Variants in FBH1 observed in about 807,000 individuals in gnomAD.
FBH1 encodes F-box DNA helicase 1.
In FBH1, 43 loss-of-function variants were observed where a neutral mutation model predicts 115.5. The ratio of observed to expected loss-of-function variants is 0.37; its 90% CI spans 0.29 to 0.48. The LOEUF (loss-of-function observed/expected upper bound fraction) is 0.48. FBH1 is among the 20% of genes least tolerant of loss of function. The pLI is 0.99. For missense variants in FBH1, 1,001 were observed against 1,337.3 expected (o/e 0.75, Z 3.92); for synonymous variants, 524 against 507.8 (o/e 1.03, Z -0.43).
rs1842958358 is a variant in FBH1 at position 5,895,571 on chromosome 10, C to G, written c.1+5225C>G. Among the ~76,000 whole-genome samples, 1 of 152,138 alleles carries G rather than the reference C, an allele frequency of 6.6e-6. No homozygotes were observed. Among genetic ancestry groups the G allele is most frequent in the Non-Finnish European group, 1.5e-5 (1 of 68,034 alleles). ...TGCTGCAGTGACAAATAGATCCAGA[C>G]ATGTAATGGCCTCACAATAGACGTT... On this transcript the variant is annotated intron_variant, in intron 1 of 20. Coordinates refer to ENST00000362091, the MANE Select transcript of FBH1 (RefSeq NM_178150.3). The surrounding 1 kb of genome is among the most constrained non-coding windows in gnomAD (Gnocchi z 5.0).
intron 18 of FBH1, among the ~76,000 whole-genome samples, chr10:5,926,701 C>T (rs764087210): frequency 4.1e-4 from 62 of 152,186 alleles, no homozygotes; most frequent in Non-Finnish European, 6.9e-4. Context: ...TATAGTACCA[C>T]CTTTTCCCTG....
Position 5,913,939 on chromosome 10 carries a change from G to C in FBH1, c.1304+100G>C. The C allele has an allele frequency of 1.0e-6, 1 of 956,958 alleles. No individual in the cohort carries two copies. The highest frequency in any genetic ancestry group is 1.6e-6 in the Non-Finnish European group (1 of 621,428). 59.3% of individuals were successfully genotyped at this position (956,958 alleles called of 1,614,324 possible). ...TGCTTCACTTTAGCAACATCATTGAGGTTAATAATGTAAATTGTGTAAAAC... is the reference window on the plus strand; with the variant it reads ...TGCTTCACTTTAGCAACATCATTGACGTTAATAATGTAAATTGTGTAAAAC... On this transcript the variant is annotated intron_variant, in intron 7 of 20. Transcript: ENST00000362091. This position sits in a 1 kb window ranked among gnomAD's most constrained non-coding sequence, Gnocchi z 4.4.
At chr10:5,908,889 G>A in intron 3 of FBH1, 36 bp from the exon 4 acceptor site, 1 of 1,610,900 alleles carries the variant, frequency 6.2e-7, no homozygotes, top group Non-Finnish European at 8.5e-7. Flanking sequence ...ATGGCCCTTT[G>A]CCTCATGTTA....
intron 2 of FBH1, among the ~76,000 whole-genome samples, chr10:5,903,607 G>A (rs865935403): frequency 1.3e-5 from 2 of 152,168 alleles, no homozygotes; most frequent in Middle Eastern, 3.4e-3. Flanking sequence ...GGGATTACAG[G>A]TGTGAGCCAC....
chr10:5,921,388 G>C lies in FBH1; in HGVS notation c.2200+31G>C, dbSNP rs759157220. 6.2e-7 allele frequency: 1 copy of C among 1,610,844 alleles called. No individual in the cohort carries two copies. Among genetic ancestry groups the C allele is most frequent in the Non-Finnish European group, 8.5e-7 (1 of 1,179,244 alleles). Reference sequence around the variant, plus strand: ...GCTTTTAGTTACTCTTCTCTTTTGTGTTACAAAAGTTTTCCTCTTTATTTC... The same window carrying C: ...GCTTTTAGTTACTCTTCTCTTTTGTCTTACAAAAGTTTTCCTCTTTATTTC... On this transcript the variant is annotated intron_variant, in intron 14 of 20. Transcript: ENST00000362091. The surrounding 1 kb of genome is among the most constrained non-coding windows in gnomAD (Gnocchi z 6.4).
chr10:5,928,072 C>CAAAAA (rs1010342333), intron 19 of FBH1, among the ~76,000 whole-genome samples: 6 of 24,764 alleles, frequency 2.4e-4, no homozygotes, highest in Admixed American at 8.7e-4. Flanking sequence ...GACTCCATCT[C>CAAAAA]AAAAAAAAAA....
In FBH1 at chr10:5,936,300, T is replaced by C; in HGVS notation, c.2830-156T>C. On this transcript the variant is annotated intron_variant, in intron 19 of 20. Transcript: ENST00000362091. The surrounding 1 kb of genome is among the most constrained non-coding windows in gnomAD (Gnocchi z 5.6). The stretch of plus-strand genomic sequence containing the variant: ...CGATAGCTTTGGAGGCAGGGAAAAG[T>C]TAGAGGAAGTAAGGGAGAACGGGTT... 1.4e-6 allele frequency: 1 copy of C among 699,466 alleles called. No individual in the cohort carries two copies. Among genetic ancestry groups the C allele is most frequent in the Non-Finnish European group, 2.3e-6 (1 of 436,866 alleles). 43.3% of individuals were successfully genotyped at this position (699,466 alleles called of 1,614,324 possible). A position where few individuals can be genotyped will look rare whatever the true frequency, so the allele number is the denominator to read the frequency against.
chr10:5,891,211 A>G (rs1453668315), intron 1 of FBH1: 2 of 984,302 alleles, frequency 2.0e-6, no homozygotes, highest in Non-Finnish European at 2.4e-6. Context: ...AAATGAAAAG[A>G]CTTCTGGAAT....
In FBH1 at chr10:5,903,026, G is replaced by A. The variant is rs184687585; in HGVS notation, c.8G>A (p.Arg3Gln). The change falls in exon 2 of 21, where the codon CGG becomes CAG. Residue 3 changes from arginine (R) to glutamine (Q), a missense_variant. By Grantham distance (43) the Arg-to-Gln change is conservative. Transcript: ENST00000362091. MR[R>Q]FKRKHLTAID... ...ACCTGCTGGTATGAAACAGTGAGACGGTTTAAGCGGAAGCATCTTACTGCC... is the reference window on the plus strand; with the variant it reads ...ACCTGCTGGTATGAAACAGTGAGACAGTTTAAGCGGAAGCATCTTACTGCC... The A allele has an allele frequency of 1.6e-5, 25 of 1,610,090 alleles. No homozygotes were observed. Among genetic ancestry groups the A allele is most frequent in the African/African-American group, 2.7e-5 (2 of 74,890 alleles).
Position 5,904,766 on chromosome 10 carries a change from C to A in FBH1, c.158-1271C>A, listed in dbSNP as rs115042740. ...TTTAACCCTGATCATATGGATTTAA[C>A]CTGTAGTAATAGTGAAGTCAAAACT... On this transcript the variant is annotated intron_variant, in intron 2 of 20. Coordinates refer to ENST00000362091, the MANE Select transcript of FBH1 (RefSeq NM_178150.3). 4.1e-3 allele frequency among the ~76,000 whole-genome samples: 625 copies of A among 152,078 alleles called. 2 individuals are homozygous for A. Among genetic ancestry groups the A allele is most frequent in the African/African-American group, 0.013 (540 of 41,500 alleles).
At position 5,890,353 on chromosome 10, in the gene FBH1, G is replaced by T. The variant is rs1842625861; in HGVS notation, c.1+7G>T. 8.0e-6 allele frequency: 3 copies of T among 375,978 alleles called. No individual in the cohort carries two copies. The highest frequency in any genetic ancestry group is 1.5e-5 in the Non-Finnish European group (3 of 201,868). The allele number at this position is 375,978 out of a possible 1,614,324, so 23.3% of individuals were successfully genotyped here. A position where few individuals can be genotyped will look rare whatever the true frequency, so the allele number is the denominator to read the frequency against. ...CCGGGTCCGGAGCGCCACAGTGCGT[G>T]AGGCCGCAGACGTGGCAGGGAGTGT... On this transcript the variant is annotated splice_region_variant and intron_variant, in intron 1 of 20. Coordinates refer to ENST00000362091, the MANE Select transcript of FBH1 (RefSeq NM_178150.3).
chr10:5,918,208 T>C lies in FBH1; in HGVS notation c.1964-134T>C. 1 of 985,132 alleles carries C rather than the reference T, an allele frequency of 1.0e-6. No individual in the cohort carries two copies. Among genetic ancestry groups the C allele is most frequent in the East Asian group, 2.5e-5 (1 of 39,526 alleles). 61.0% of individuals were successfully genotyped at this position (985,132 alleles called of 1,614,324 possible). ...ATGGCTGCTTTTGATGGAGTGTGCC[T>C]GTCCTACAGGAAAAGGCGACCGTGA... On this transcript the variant is annotated intron_variant, in intron 12 of 20. Coordinates refer to ENST00000362091, the MANE Select transcript of FBH1 (RefSeq NM_178150.3). The surrounding 1 kb of genome is among the most constrained non-coding windows in gnomAD (Gnocchi z 4.0).
chr10:5,915,743 A>T lies in FBH1; in HGVS notation c.1565+172A>T. The T allele has an allele frequency of 1.6e-6, 1 of 617,740 alleles. No individual in the cohort carries two copies. The highest frequency in any genetic ancestry group is 3.0e-5 in the Admixed American group (1 of 33,532). The allele number at this position is 617,740 out of a possible 1,614,324, so 38.3% of individuals were successfully genotyped here. Reference sequence around the variant, plus strand: ...CATAGGTTTAGCCATTTGTACTTTTATCCTGTAGCAACATATTGTTTACAT... The same window carrying T: ...CATAGGTTTAGCCATTTGTACTTTTTTCCTGTAGCAACATATTGTTTACAT... On this transcript the variant is annotated intron_variant, in intron 9 of 20. Coordinates refer to ENST00000362091, the MANE Select transcript of FBH1 (RefSeq NM_178150.3). The surrounding 1 kb of genome is among the most constrained non-coding windows in gnomAD (Gnocchi z 5.2).
rs17146587 is a variant in FBH1, at chr10:5,936,206, A to G, written c.2830-250A>G. 0.038 allele frequency: 9,849 copies of G among 261,824 alleles called. 387 individuals are homozygous for G. Among genetic ancestry groups the G allele is most frequent in the East Asian group, 0.13 (1,944 of 14,820 alleles). The allele number at this position is 261,824 out of a possible 1,614,324, so 16.2% of individuals were successfully genotyped here. A position where few individuals can be genotyped will look rare whatever the true frequency, so the allele number is the denominator to read the frequency against. ...TATTCTGGAAATGTCATTACAGGCAATAGTTTTGCATGTTTATCTGTTAAA... is the reference window on the plus strand; with the variant it reads ...TATTCTGGAAATGTCATTACAGGCAGTAGTTTTGCATGTTTATCTGTTAAA... On this transcript the variant is annotated intron_variant, in intron 19 of 20. Transcript: ENST00000362091. The surrounding 1 kb of genome is among the most constrained non-coding windows in gnomAD (Gnocchi z 5.6).
Position 5,924,569 on chromosome 10 carries a change from G to C in FBH1, c.2596+61G>C. On this transcript the variant is annotated intron_variant, in intron 17 of 20. Transcript: ENST00000362091. This position sits in a 1 kb window ranked among gnomAD's most constrained non-coding sequence, Gnocchi z 6.2. ...GAGGAGGAACAGATGGTCTTCTGCT[G>C]TTCTTTTTTTTTTTTTGAGACAGAG... The C allele has an allele frequency of 4.7e-6, 7 of 1,477,208 alleles. No homozygotes were observed. The highest frequency in any genetic ancestry group is 6.5e-6 in the Non-Finnish European group (7 of 1,081,512). 91.5% of individuals were successfully genotyped at this position (1,477,208 alleles called of 1,614,324 possible).
rs763816683 is a variant in FBH1 at position 5,909,128 on chromosome 10, A to C, written c.885-31A>C. On this transcript the variant is annotated intron_variant, in intron 4 of 20. Coordinates refer to ENST00000362091, the MANE Select transcript of FBH1 (RefSeq NM_178150.3). The surrounding 1 kb of genome is among the most constrained non-coding windows in gnomAD (Gnocchi z 4.4). Reference sequence around the variant, plus strand: ...GTACATCAGTGCTTATGGTCACCCTACTCATGGCCTCTCCTGTGAATGTCT... The same window carrying C: ...GTACATCAGTGCTTATGGTCACCCTCCTCATGGCCTCTCCTGTGAATGTCT... 1.2e-5 allele frequency: 20 copies of C among 1,613,186 alleles called. No individual in the cohort carries two copies. The South Asian group carries it at 2.0e-4, about 16-fold the overall frequency.
At position 5,914,203 on chromosome 10, in the gene FBH1, GA is replaced by G. The variant is rs1295162025; in HGVS notation, c.1332del (p.Glu444AspfsTer4). ...PGKKTIQLTHEQQLILNHKME... is the reference protein window; with the variant it reads ...PGKKTIQLTHXQQLILNHKME... ...CAAGAAAACCATCCAACTTACACAT[GA>G]ACAACAGCTGATTCTGAATCACAAG... On this transcript the variant is annotated frameshift_variant, in exon 8 of 21. Coordinates refer to ENST00000362091, the MANE Select transcript of FBH1 (RefSeq NM_178150.3). LOFTEE classifies it high-confidence loss of function. This position sits in a 1 kb window ranked among gnomAD's most constrained non-coding sequence, Gnocchi z 5.2. 1 of 1,614,146 alleles carries G rather than the reference GA, an allele frequency of 6.2e-7. No homozygotes were observed. The highest frequency in any genetic ancestry group is 8.5e-7 in the Non-Finnish European group (1 of 1,180,024).
rs751128186 is a variant in FBH1, at chr10:5,917,549, C to T, written c.1877-41C>T. On this transcript the variant is annotated intron_variant, in intron 11 of 20. Coordinates refer to ENST00000362091, the MANE Select transcript of FBH1 (RefSeq NM_178150.3). The surrounding 1 kb of genome is among the most constrained non-coding windows in gnomAD (Gnocchi z 5.6). The stretch of plus-strand genomic sequence containing the variant: ...TGGCGGGGACTGGCCAATGGGACTG[C>T]CTTCCTGGCGTTACAACTCCTGCGT... 2 of 1,613,124 alleles carry T rather than the reference C, an allele frequency of 1.2e-6. No individual in the cohort carries two copies. Among genetic ancestry groups the T allele is most frequent in the Admixed American group, 3.3e-5 (2 of 60,018 alleles).
chr10:5,897,865 G>A lies in FBH1; in HGVS notation c.2-5155G>A, dbSNP rs11255780. ...CTTAATCTTCGCAACAAGCATTTTG[G>A]ATTCAGACGTATTTTCTGAGATAAA... is the stretch of plus-strand genomic sequence containing the variant. On this transcript the variant is annotated intron_variant, in intron 1 of 20. Coordinates refer to ENST00000362091, the MANE Select transcript of FBH1 (RefSeq NM_178150.3). This position sits in a 1 kb window ranked among gnomAD's most constrained non-coding sequence, Gnocchi z 4.7. Among the ~76,000 whole-genome samples, 44,833 of 151,864 alleles carry A rather than the reference G, an allele frequency of 0.3. 7,168 individuals are homozygous for A. Among genetic ancestry groups the A allele is most frequent in the Non-Finnish European group, 0.35 (23,536 of 67,932 alleles).
Sources: gnomAD v4.1 joint callset for allele counts (sites outside exome capture counted in the v4.1 genomes callset) on GRCh38, gnomAD v4.1.1 for gene constraint, Gnocchi (gnomAD v3.1) non-coding constraint, MANE v1.5 for transcripts, NCBI Gene and HGNC (gene_info 2026-07-23, HGNC 2026-07-21) for gene names.